The following HEG1 variants were observed in gnomAD, a reference collection of about 807,000 sequenced individuals.
HEG1 encodes the protein protein HEG homolog 1.
HEG1 carries 56 observed loss-of-function variants against 125.6 expected under a neutral mutation model. The ratio of observed to expected loss-of-function variants is 0.45; its 90% CI spans 0.36 to 0.56. HEG1 has a LOEUF of 0.56. Ranked by LOEUF, HEG1 falls within the 20% of genes least tolerant of loss-of-function variation. The pLI is 0.00. For synonymous variants in HEG1, 644 were observed against 668.5 expected (o/e 0.96, Z 0.57); for missense variants, 1,523 against 1,670.0 (o/e 0.91, Z 1.53).
chr3:125,021,847 C>G (rs1408213039), intron 3 of HEG1, among the ~76,000 whole-genome samples: 1 of 152,202 alleles, frequency 6.6e-6, no homozygotes, highest in East Asian at 1.9e-4. Flanking sequence ...AGCAAACAGG[C>G]TTCATTATCA....
chr3:125,048,163 T>C lies in HEG1; in HGVS notation c.316+7412A>G, dbSNP rs560818211. Among the ~76,000 whole-genome samples, 68 of 152,194 alleles carry C rather than the reference T, an allele frequency of 4.5e-4. 2 individuals are homozygous for C. In the South Asian group the frequency reaches 0.013, roughly 29 times the overall value. ...TTTCCTCAAAAACGTTTACATGACATGAAAGCTAGAATGAAGTTCAAGTAC... is the reference window on the plus strand; with the variant it reads ...TTTCCTCAAAAACGTTTACATGACACGAAAGCTAGAATGAAGTTCAAGTAC... On this transcript the variant is annotated intron_variant, in intron 1 of 16. Transcript: ENST00000311127.
rs746441185 is a variant in HEG1 at position 125,029,317 on chromosome 3, A to C, written c.488T>G (p.Leu163Arg). The change falls in exon 2 of 17, where the codon CTC becomes CGC. Residue 163 changes from leucine (L) to arginine (R), a missense_variant. By Grantham distance (102) the Leu-to-Arg change is moderately radical (BLOSUM62 -2). Transcript: ENST00000311127. ...TCCTCTAGCATCTGCTGTTTCAGCG[A>C]GTAGAGTGAGGTTTTCTGGAGCATC... ...ASDAPENLTL[L>R]AETADARGRS... 1.2e-6 allele frequency: 2 copies of C among 1,613,986 alleles called. No homozygotes were observed. The highest frequency in any genetic ancestry group is 1.7e-6 in the Non-Finnish European group (2 of 1,179,890).
intron 12 of HEG1, among the ~76,000 whole-genome samples, chr3:124,993,953 C>G (rs1454839525): frequency 6.6e-6 from 1 of 152,176 alleles, no homozygotes; most frequent in Non-Finnish European, 1.5e-5. Flanking sequence ...TGGCGCTGTT[C>G]TGGGGAAACC....
chr3:124,975,825 AG>A (rs1227988788), intron 15 of HEG1, among the ~76,000 whole-genome samples: 3 of 152,238 alleles, frequency 2.0e-5, no homozygotes, highest in African/African-American at 7.2e-5. Context: ...GCGTATTTTC[AG>A]GGTTCACCCA....
In HEG1 at chr3:125,019,117, C is replaced by G. The variant is rs1303836790; in HGVS notation, c.1588+145G>C. 3 of 646,196 alleles carry G rather than the reference C, an allele frequency of 4.6e-6. No homozygotes were observed. In the African/African-American group the frequency reaches 5.5e-5, roughly 12 times the overall value. The allele number at this position is 646,196 out of a possible 1,614,324, so 40.0% of individuals were successfully genotyped here. On this transcript the variant is annotated intron_variant, in intron 5 of 16. Coordinates refer to ENST00000311127, the MANE Select transcript of HEG1 (RefSeq NM_020733.2). Reference sequence around the variant, plus strand: ...CCCTCACCTCAGATGATCCACCCACCTCGGCCTCCCAAAGTGCTGGGATTA... The same window carrying G: ...CCCTCACCTCAGATGATCCACCCACGTCGGCCTCCCAAAGTGCTGGGATTA...
rs1382467940 is a variant in HEG1 at position 124,990,878 on chromosome 3, A to G, written c.3696-54T>C. The G allele has an allele frequency of 7.7e-6, 12 of 1,554,250 alleles. No individual in the cohort carries two copies. In the East Asian group the frequency reaches 2.2e-4, roughly 28 times the overall value. ...GAATTAGTTTCCAATCTCAAAAGAAATAAGTGAGGCAATTTATCTAAATAA... is the reference window on the plus strand; with the variant it reads ...GAATTAGTTTCCAATCTCAAAAGAAGTAAGTGAGGCAATTTATCTAAATAA... On this transcript the variant is annotated intron_variant, in intron 13 of 16. Transcript: ENST00000311127.
At chr3:125,026,914 C>T (rs1407159177) in intron 3 of HEG1, among the ~76,000 whole-genome samples, 1 of 152,158 alleles carries the variant, frequency 6.6e-6, no homozygotes, top group South Asian at 2.1e-4. Context: ...GCAGGAGAAT[C>T]GCTTGAACCT....
At chr3:124,990,424 C>T (rs939581035) in intron 14 of HEG1, among the ~76,000 whole-genome samples, 4 of 151,852 alleles carry the variant, frequency 2.6e-5, no homozygotes, top group Non-Finnish European at 5.9e-5. Context: ...CTGCAACCTC[C>T]GCCTCCCAGG....
At chr3:124,995,244 A>G (rs1278757627) in intron 12 of HEG1, among the ~76,000 whole-genome samples, 1 of 152,056 alleles carries the variant, frequency 6.6e-6, no homozygotes, top group African/African-American at 2.4e-5. Flanking sequence ...GGCTGCAGTG[A>G]GACTTGATTG....
intron 1 of HEG1, among the ~76,000 whole-genome samples, chr3:125,037,501 A>G (rs371731393): frequency 1.3e-5 from 2 of 152,248 alleles, no homozygotes; most frequent in South Asian, 4.1e-4. Context: ...AAGACTGATG[A>G]GTTTCCTTGT....
At chr3:125,024,526 T>C (rs529633915) in intron 3 of HEG1, among the ~76,000 whole-genome samples, 24 of 152,320 alleles carry the variant, frequency 1.6e-4, no homozygotes, top group Admixed American at 1.4e-3. Context: ...TTAAAAAATA[T>C]GGAACACATA....
rs923121358 is a variant in HEG1 at position 125,013,277 on chromosome 3, T to C, written c.2302A>G (p.Thr768Ala). 7 of 1,614,022 alleles carry C rather than the reference T, an allele frequency of 4.3e-6. No individual in the cohort carries two copies. Among genetic ancestry groups the C allele is most frequent in the Non-Finnish European group, 5.9e-6 (7 of 1,179,888 alleles). The stretch of plus-strand genomic sequence containing the variant: ...GCAGTTTGACTACTATGGAGCATTG[T>C]CATGAATGATGTCATTGTTGATGTC... ...FQTSTMTSFMTMLHSSQTADL... is the reference protein window; with the variant it reads ...FQTSTMTSFMAMLHSSQTADL... Residue 768 changes from threonine (T) to alanine (A), a missense_variant, in exon 6 of 17, where the codon ACA becomes GCA. Coordinates refer to ENST00000311127, the MANE Select transcript of HEG1 (RefSeq NM_020733.2).
chr3:125,021,279 G>A (rs909883057), intron 3 of HEG1, 149 bp from the exon 4 acceptor site: 9 of 632,404 alleles, frequency 1.4e-5, no homozygotes, highest in East Asian at 8.3e-5. Flanking sequence ...CTATACACAC[G>A]CATGCTACCA....
chr3:125,025,510 G>A (rs1433822725), intron 3 of HEG1, among the ~76,000 whole-genome samples: 1 of 152,130 alleles, frequency 6.6e-6, no homozygotes, highest in African/African-American at 2.4e-5. Flanking sequence ...TTAAAAGGAT[G>A]GATGGTAAAG....
chr3:125,023,375 G>T (rs1004020037), intron 3 of HEG1, among the ~76,000 whole-genome samples: 3 of 152,124 alleles, frequency 2.0e-5, no homozygotes, highest in African/African-American at 7.2e-5. Context: ...AAGGAAAACT[G>T]CTCTGTTTTT....
At chr3:125,035,295 G>A (rs1471547970) in intron 1 of HEG1, among the ~76,000 whole-genome samples, 1 of 152,038 alleles carries the variant, frequency 6.6e-6, no homozygotes, top group Non-Finnish European at 1.5e-5. Context: ...AAACTAATGA[G>A]AACTATAAAT....
chr3:125,054,930 G>C (rs1248469128), intron 1 of HEG1, among the ~76,000 whole-genome samples: 2 of 152,188 alleles, frequency 1.3e-5, no homozygotes, highest in East Asian at 1.9e-4. Context: ...TTCTCTCTGC[G>C]TGGGACAGGC....
At chr3:125,026,523 C>G (rs1937416782) in intron 3 of HEG1, among the ~76,000 whole-genome samples, 1 of 152,276 alleles carries the variant, frequency 6.6e-6, no homozygotes, top group South Asian at 2.1e-4. Context: ...TCACGCCTTG[C>G]AAACTCCTGC....
Position 125,029,456 on chromosome 3 carries a change from T to C in HEG1, c.349A>G (p.Thr117Ala), listed in dbSNP as rs955178754. The change falls in exon 2 of 17, where the codon ACT becomes GCT. Residue 117 changes from threonine (T) to alanine (A), a missense_variant. Physicochemically the swap from Thr to Ala is moderately conservative, Grantham distance 58 (BLOSUM62 0). Coordinates refer to ENST00000311127, the MANE Select transcript of HEG1 (RefSeq NM_020733.2). ...AAWKHWPESNTEAHVENITFY... is the reference protein window; with the variant it reads ...AAWKHWPESNAEAHVENITFY... ...GTGATGTTTTCTACATGGGCCTCAG[T>C]GTTACTTTCTGGCCAATGTTTCCAG... The C allele has an allele frequency of 6.3e-7, 1 of 1,598,212 alleles. No homozygotes were observed. The highest frequency in any genetic ancestry group is 1.3e-5 in the African/African-American group (1 of 74,884).
Sources: allele counts gnomAD v4.1 joint callset (sites outside exome capture counted in the v4.1 genomes callset), GRCh38; gene constraint gnomAD v4.1.1; transcripts MANE v1.5; gene names NCBI Gene and HGNC (gene_info 2026-07-23, HGNC 2026-07-21).